POR: variants seen among roughly 807,000 people sequenced by gnomAD.
The protein encoded by POR is cytochrome p450 oxidoreductase, also known as NADPH--cytochrome P450 reductase.
In POR, 56 loss-of-function variants were observed where a neutral mutation model predicts 84.0. The observed-to-expected ratio is 0.67, with a 90% CI of 0.54 to 0.83. POR has a LOEUF of 0.83. POR is among the 40% of genes least tolerant of loss of function. POR has a pLI of 0.00. For missense variants in POR, 938 were observed against 944.3 expected (o/e 0.99, Z 0.09); for synonymous variants, 414 against 400.5 (o/e 1.03, Z -0.40).
intron 2 of POR, among the ~76,000 whole-genome samples, chr7:75,966,956 CTTGGGCTT>C (rs1248603008): frequency 6.6e-6 from 1 of 152,138 alleles, no homozygotes; most frequent in African/African-American, 2.4e-5. Context: ...CGGCTGGAGC[CTTGGGCTT>C]TCTGGTTTTG....
intron 2 of POR, among the ~76,000 whole-genome samples, chr7:75,957,878 A>T (rs1458323720): frequency 3.9e-5 from 6 of 152,120 alleles, no homozygotes; most frequent in African/African-American, 1.4e-4. Flanking sequence ...TATTTCTAGT[A>T]CCATGGCTAC....
chr7:75,944,405 C>T (rs1238637424), intron 1 of POR, among the ~76,000 whole-genome samples: 3 of 152,204 alleles, frequency 2.0e-5, no homozygotes, highest in Non-Finnish European at 2.9e-5. Context: ...TGGTGGCACA[C>T]GCCTGTAATC....
chr7:75,931,957 GT>G (rs1807442761), intron 1 of POR, among the ~76,000 whole-genome samples: 1 of 152,156 alleles, frequency 6.6e-6, no homozygotes, highest in African/African-American at 2.4e-5. Flanking sequence ...TAATTCCTGT[GT>G]TTCAGCTTTC....
intron 1 of POR, among the ~76,000 whole-genome samples, chr7:75,936,134 C>T (rs1807674169): frequency 6.9e-6 from 1 of 145,242 alleles, no homozygotes; most frequent in South Asian, 2.2e-4. Flanking sequence ...CTCTGTCACC[C>T]AGGCTAGAGT....
intron 8 of POR, among the ~76,000 whole-genome samples, chr7:75,983,041 T>C (rs1297385175): frequency 6.6e-6 from 1 of 152,146 alleles, no homozygotes; most frequent in Admixed American, 6.5e-5. Context: ...GGTGGGACTA[T>C]AGAGAGAACT....
intron 1 of POR, among the ~76,000 whole-genome samples, chr7:75,927,817 CCCA>C (rs1329742246): frequency 1.2e-4 from 18 of 151,536 alleles, no homozygotes; most frequent in African/African-American, 3.9e-4. Context: ...ATTACAGGTG[CCCA>C]CCACCACACC....
chr7:75,940,938 A>T (rs1270661801), intron 1 of POR, among the ~76,000 whole-genome samples: 2 of 152,134 alleles, frequency 1.3e-5, no homozygotes, highest in Admixed American at 6.5e-5. Flanking sequence ...AGGTGCGAGG[A>T]TCGCTTGAGC....
At chr7:75,979,801 C>A in intron 4 of POR, 1 of 584,640 alleles carries the variant, frequency 1.7e-6, no homozygotes, top group Non-Finnish European at 2.8e-6. Context: ...ATCGTTTCCC[C>A]AGGACTGGCC....
intron 1 of POR, among the ~76,000 whole-genome samples, chr7:75,941,454 C>CA (rs2116338975): frequency 6.6e-6 from 1 of 152,248 alleles, no homozygotes; most frequent in Admixed American, 6.5e-5. Flanking sequence ...CCTGGGAGGT[C>CA]AAGTAACCCG....
At position 75,986,318 on chromosome 7, in the gene POR, A is replaced by C. The variant is rs1563436538; in HGVS notation, c.1899-19A>C. On this transcript the variant is annotated intron_variant, in intron 15 of 15. Coordinates refer to ENST00000461988, the MANE Select transcript of POR (RefSeq NM_000941.3). ...TGCCACAGTTGGCCCAGCCCCCAGC[A>C]CCCCCTCTTCCTGCCCAGGGATGCA... is the stretch of plus-strand genomic sequence containing the variant. 1.1e-5 allele frequency: 17 copies of C among 1,612,098 alleles called. No individual in the cohort carries two copies. Among genetic ancestry groups the C allele is most frequent in the Non-Finnish European group, 1.3e-5 (15 of 1,179,682 alleles).
intron 1 of POR, among the ~76,000 whole-genome samples, chr7:75,919,707 C>A (rs1554548564): frequency 6.6e-6 from 1 of 152,032 alleles, no homozygotes; most frequent in African/African-American, 2.4e-5. Context: ...ACTGTTACTC[C>A]TGACGCTGGT....
chr7:75,960,294 A>G (rs1787881332), intron 2 of POR, among the ~76,000 whole-genome samples: 1 of 146,336 alleles, frequency 6.8e-6, no homozygotes, highest in Non-Finnish European at 1.5e-5. Flanking sequence ...CCCTCTCAAA[A>G]TAATAATAAT....
intron 3 of POR, among the ~76,000 whole-genome samples, chr7:75,973,316 C>A (rs1788523022): frequency 6.6e-6 from 1 of 151,790 alleles, no homozygotes; most frequent in Non-Finnish European, 1.5e-5. Flanking sequence ...TTTAAAAAAA[C>A]CTTTATTTTA....
chr7:75,935,758 T>C (rs577678832), intron 1 of POR, among the ~76,000 whole-genome samples: 1 of 151,670 alleles, frequency 6.6e-6, no homozygotes, highest in South Asian at 2.1e-4. Flanking sequence ...CAGCTCAGAT[T>C]AATTAATATT....
intron 2 of POR, among the ~76,000 whole-genome samples, chr7:75,965,871 C>G (rs1270365059): frequency 6.6e-6 from 1 of 152,110 alleles, no homozygotes; most frequent in Non-Finnish European, 1.5e-5. Flanking sequence ...AGGACACGGC[C>G]CCAGGATCCT....
chr7:75,919,784 G>T (rs1226188502), intron 1 of POR, among the ~76,000 whole-genome samples: 2 of 152,070 alleles, frequency 1.3e-5, no homozygotes, highest in Admixed American at 6.6e-5. Flanking sequence ...TGATCCTTCT[G>T]GTGGCTTGTG....
At chr7:75,986,133 C>G (rs199908330) in intron 14 of POR, 26 bp from the exon 15 acceptor site, 1 of 1,595,362 alleles carries the variant, frequency 6.3e-7, no homozygotes, top group Non-Finnish European at 8.5e-7. Context: ...ACAGTGCCCC[C>G]CTCACAGCAC....
chr7:75,938,981 T>C (rs1554551177), intron 1 of POR, among the ~76,000 whole-genome samples: 3 of 152,186 alleles, frequency 2.0e-5, no homozygotes. Flanking sequence ...GCCCCTTCCT[T>C]GACTGTTTCA....
intron 1 of POR, among the ~76,000 whole-genome samples, chr7:75,940,753 C>T (rs1807940463): frequency 6.6e-6 from 1 of 151,066 alleles, no homozygotes; most frequent in Non-Finnish European, 1.5e-5. Context: ...CACTGTACTC[C>T]AGCCTGGACG....
Sources: allele counts gnomAD v4.1 joint callset (sites outside exome capture counted in the v4.1 genomes callset), GRCh38; gene constraint gnomAD v4.1.1; transcripts MANE v1.5; gene names NCBI Gene and HGNC (gene_info 2026-07-23, HGNC 2026-07-21).